The following ULK4 variants were observed in gnomAD, a reference collection of about 807,000 sequenced individuals.
The protein encoded by ULK4 is inactive serine/threonine-protein kinase ULK4.
A neutral mutation model predicts 160.6 loss-of-function variants in ULK4; 133 were observed. The ratio of observed to expected loss-of-function variants is 0.83; its 90% CI spans 0.72 to 0.96. ULK4 has a LOEUF of 0.96. ULK4 is among the 40% of genes least tolerant of loss of function. The probability of loss-of-function intolerance (pLI) is 0.00; values close to 1 mark genes in which losing one functional copy is unlikely to be tolerated. For missense variants in ULK4, 1,580 were observed against 1,499.5 expected (o/e 1.05, Z -0.89); for synonymous variants, 534 against 539.8 (o/e 0.99, Z 0.15).
At chr3:41,774,323 T>C (rs1157498197) in intron 21 of ULK4, among the ~76,000 whole-genome samples, 3 of 150,390 alleles carry the variant, frequency 2.0e-5, no homozygotes, top group Admixed American at 2.0e-4. Context: ...AACCTACTCA[T>C]CTGACAAAGG....
intron 35 of ULK4, among the ~76,000 whole-genome samples, chr3:41,297,744 G>C (rs1051671992): frequency 7.9e-5 from 12 of 152,204 alleles, no homozygotes; most frequent in African/African-American, 2.9e-4. Flanking sequence ...ATGGCCCACT[G>C]CTGACTTCAA....
Position 41,916,102 on chromosome 3 carries a change from T to C in ULK4, c.728-50A>G, listed in dbSNP as rs374533688. On this transcript the variant is annotated intron_variant, in intron 7 of 36. Coordinates refer to ENST00000301831, the MANE Select transcript of ULK4 (RefSeq NM_017886.4). ...AAAAATGATAAGTAGTAAATACATA[T>C]CAATTTTATTTTTATCTCTTACATC... 8.2e-6 allele frequency: 10 copies of C among 1,214,774 alleles called. No individual in the cohort carries two copies. In the African/African-American group the frequency reaches 1.4e-4, roughly 17 times the overall value. 75.2% of individuals were successfully genotyped at this position (1,214,774 alleles called of 1,614,324 possible).
At chr3:41,779,985 T>TAAA (rs777587812) in intron 21 of ULK4, among the ~76,000 whole-genome samples, 5,071 of 59,132 alleles carry the variant, frequency 0.086, 544 homozygotes, top group African/African-American at 0.22. Flanking sequence ...TAGAGTATAA[T>TAAA]AAAAAAAAAA....
intron 12 of ULK4, among the ~76,000 whole-genome samples, chr3:41,904,265 T>C (rs1191475348): frequency 6.6e-6 from 1 of 151,892 alleles, no homozygotes; most frequent in Non-Finnish European, 1.5e-5. Flanking sequence ...AAACCTCTAC[T>C]AAAAATACAA....
intron 32 of ULK4, among the ~76,000 whole-genome samples, chr3:41,470,018 G>GGA (rs2083937704): frequency 2.2e-5 from 1 of 45,978 alleles, no homozygotes; most frequent in Non-Finnish European, 3.8e-5. Context: ...AAACAGAACA[G>GGA]AAAAAAAAAA....
At chr3:41,367,767 A>G (rs2081279705) in intron 35 of ULK4, among the ~76,000 whole-genome samples, 1 of 152,142 alleles carries the variant, frequency 6.6e-6, no homozygotes, top group Non-Finnish European at 1.5e-5. Context: ...GATTACTTCA[A>G]TGGAATTTTG....
chr3:41,633,419 A>T (rs888800316), intron 30 of ULK4, among the ~76,000 whole-genome samples: 4 of 152,170 alleles, frequency 2.6e-5, no homozygotes, highest in African/African-American at 9.7e-5. Context: ...GTTTGCTTTT[A>T]TGATATAATG....
intron 32 of ULK4, among the ~76,000 whole-genome samples, chr3:41,549,895 A>C (rs546335643): frequency 6.6e-6 from 1 of 152,098 alleles, no homozygotes; most frequent in Non-Finnish European, 1.5e-5. Context: ...GATATATTTG[A>C]AGTGCTAAGA....
chr3:41,733,118 TCAC>T (rs774880793), intron 22 of ULK4, among the ~76,000 whole-genome samples: 53 of 152,260 alleles, frequency 3.5e-4, no homozygotes, highest in Non-Finnish European at 5.0e-4. Flanking sequence ...TTTAATGTTC[TCAC>T]CACAAGAAAA....
Position 41,706,290 on chromosome 3 carries a change from C to T in ULK4, c.2635-985G>A, listed in dbSNP as rs1481407331. ...AATCACTGCCATGCTAGGCAGAGCA[C>T]CCATGTTACTGACAGCAAGAACGCT... is the stretch of plus-strand genomic sequence containing the variant. On this transcript the variant is annotated intron_variant, in intron 25 of 36. Transcript: ENST00000301831. 3.3e-5 allele frequency among the ~76,000 whole-genome samples: 5 copies of T among 150,360 alleles called. No individual in the cohort carries two copies. The Admixed American group carries it at 3.3e-4, about 10-fold the overall frequency.
intron 34 of ULK4, among the ~76,000 whole-genome samples, chr3:41,422,177 A>G (rs1381103079): frequency 6.6e-6 from 1 of 152,180 alleles, no homozygotes; most frequent in Admixed American, 6.5e-5. Context: ...AAGTCTTGTA[A>G]GATACCTAGA....
At chr3:41,262,237 G>A (rs1487905956) in intron 35 of ULK4, among the ~76,000 whole-genome samples, 1 of 152,190 alleles carries the variant, frequency 6.6e-6, no homozygotes, top group African/African-American at 2.4e-5. Flanking sequence ...GAGTAGTGAG[G>A]AGGCTGACAT....
At chr3:41,469,180 A>C (rs976324111) in intron 32 of ULK4, among the ~76,000 whole-genome samples, 5 of 152,130 alleles carry the variant, frequency 3.3e-5, no homozygotes, top group African/African-American at 9.7e-5. Context: ...TATCACACCC[A>C]GGAGTTTAAA....
At chr3:41,768,008 T>C (rs897699114) in intron 21 of ULK4, among the ~76,000 whole-genome samples, 4 of 152,092 alleles carry the variant, frequency 2.6e-5, no homozygotes, top group Admixed American at 2.6e-4. Flanking sequence ...GCTAGCATTC[T>C]CACCTGAGCT....
intron 22 of ULK4, among the ~76,000 whole-genome samples, chr3:41,721,129 A>G (rs2037438856): frequency 6.6e-6 from 1 of 151,674 alleles, no homozygotes; most frequent in Non-Finnish European, 1.5e-5. Flanking sequence ...GGAGGGAAAT[A>G]ATCCATATTC....
intron 34 of ULK4, among the ~76,000 whole-genome samples, chr3:41,454,666 G>A (rs2083502117): frequency 6.6e-6 from 1 of 152,000 alleles, no homozygotes; most frequent in Admixed American, 6.6e-5. Context: ...TTTGTAGACA[G>A]TGAAATTATA....
chr3:41,504,456 C>T (rs2085313057), intron 32 of ULK4, among the ~76,000 whole-genome samples: 1 of 152,172 alleles, frequency 6.6e-6, no homozygotes, highest in Non-Finnish European at 1.5e-5. Flanking sequence ...TGTTATGACT[C>T]AGGCTTGCAG....
At chr3:41,392,980 T>A (rs972440172) in intron 35 of ULK4, among the ~76,000 whole-genome samples, 4 of 152,318 alleles carry the variant, frequency 2.6e-5, no homozygotes, top group African/African-American at 9.6e-5. Context: ...TCTATCCATA[T>A]GCATATCCAA....
At chr3:41,304,666 C>T (rs2079869259) in intron 35 of ULK4, among the ~76,000 whole-genome samples, 1 of 152,206 alleles carries the variant, frequency 6.6e-6, no homozygotes. Context: ...ATAAGACACT[C>T]CAGCTGGCAC....
Sources: gnomAD v4.1 joint callset for allele counts (sites outside exome capture counted in the v4.1 genomes callset) on GRCh38, gnomAD v4.1.1 for gene constraint, MANE v1.5 for transcripts, NCBI Gene and HGNC (gene_info 2026-07-23, HGNC 2026-07-21) for gene names.